The following PRDM10 variants were observed in gnomAD, a reference collection of about 807,000 sequenced individuals.
PRDM10 encodes the protein PR domain zinc finger protein 10.
In PRDM10, 65 loss-of-function variants were observed where a neutral mutation model predicts 133.1. The observed-to-expected ratio is 0.49, with a 90% CI of 0.40 to 0.60. PRDM10 has a LOEUF of 0.60. Among genes scored for constraint, PRDM10 ranks in the 20% least tolerant of loss-of-function variants. The pLI is 0.00. For synonymous variants in PRDM10, 582 were observed against 580.4 expected (o/e 1.00, Z -0.04); for missense variants, 1,137 against 1,507.1 (o/e 0.75, Z 4.07).
intron 7 of PRDM10, among the ~76,000 whole-genome samples, chr11:129,938,285 CTGAG>C (rs1056254717): frequency 1.3e-5 from 2 of 152,212 alleles, no homozygotes; most frequent in African/African-American, 4.8e-5. Flanking sequence ...TCTGTTCCCT[CTGAG>C]TGTGTTTGAC....
chr11:129,982,783 C>G (rs1291121155), intron 1 of PRDM10, among the ~76,000 whole-genome samples: 1 of 151,794 alleles, frequency 6.6e-6, no homozygotes, highest in Non-Finnish European at 1.5e-5. Flanking sequence ...AGACCTCCCC[C>G]CAACCATCTC....
At chr11:129,905,581 T>C (rs1284181416) in intron 20 of PRDM10, 57 bp downstream of exon 20, 1 of 1,254,736 alleles carries the variant, frequency 8.0e-7, no homozygotes, top group Non-Finnish European at 1.2e-6. Flanking sequence ...GTGATAAGAG[T>C]TACTATACAG....
intron 11 of PRDM10, among the ~76,000 whole-genome samples, chr11:129,927,176 C>CAAAAAAAAAA (rs57015735): frequency 1.0e-4 from 8 of 79,372 alleles, no homozygotes; most frequent in South Asian, 4.6e-4. Context: ...GACTCTGTCT[C>CAAAAAAAAAA]AAAAAAAAAA....
At position 129,945,115 on chromosome 11, in the gene PRDM10, C is replaced by T. The variant is rs935542090; in HGVS notation, c.521-103G>A. The T allele has an allele frequency of 1.4e-5, 20 of 1,452,998 alleles. No homozygotes were observed. Among genetic ancestry groups the T allele is most frequent in the Non-Finnish European group, 1.8e-5 (19 of 1,062,958 alleles). 90.0% of individuals were successfully genotyped at this position (1,452,998 alleles called of 1,614,324 possible). On this transcript the variant is annotated intron_variant, in intron 5 of 20. Coordinates refer to ENST00000360871, the MANE Select transcript of PRDM10 (RefSeq NM_199437.2). The surrounding 1 kb of genome is among the most constrained non-coding windows in gnomAD (Gnocchi z 4.2). ...AAAAATCCCCGTCTGCATTTTCAAG[C>T]CAAAATTCAATGAACTCCTAATGGC...
intron 1 of PRDM10, among the ~76,000 whole-genome samples, chr11:129,971,790 G>GGCTGCAGGTGGA (rs1443073807): frequency 6.6e-6 from 1 of 152,250 alleles, no homozygotes; most frequent in African/African-American, 2.4e-5. Context: ...CCCGCACCGG[G>GGCTGCAGGTGGA]GCTGCAGGTG....
In PRDM10 at chr11:129,945,961, G is replaced by C. The variant is rs1951393359; in HGVS notation, c.521-949C>G. On this transcript the variant is annotated intron_variant, in intron 5 of 20. Coordinates refer to ENST00000360871, the MANE Select transcript of PRDM10 (RefSeq NM_199437.2). The surrounding 1 kb of genome is among the most constrained non-coding windows in gnomAD (Gnocchi z 4.2). ...CTCAAAAATGTAAGAATTTTTCCCAGGTGCAGTGGCTCAGCCTGTAATCCC... is the reference window on the plus strand; with the variant it reads ...CTCAAAAATGTAAGAATTTTTCCCACGTGCAGTGGCTCAGCCTGTAATCCC... Among the ~76,000 whole-genome samples the C allele has an allele frequency of 6.6e-6, 1 of 152,148 alleles. No individual in the cohort carries two copies. The highest frequency in any genetic ancestry group is 2.4e-5 in the African/African-American group (1 of 41,416).
At chr11:129,919,036 AG>A (rs1202092563) in intron 13 of PRDM10, among the ~76,000 whole-genome samples, 1 of 152,248 alleles carries the variant, frequency 6.6e-6, no homozygotes, top group Non-Finnish European at 1.5e-5. Context: ...CTGGCATAAA[AG>A]AACTTCAGAC....
At position 129,915,031 on chromosome 11, in the gene PRDM10, G is replaced by C. The variant is rs1209483968; in HGVS notation, c.2527-13C>G. On this transcript the variant is annotated splice_polypyrimidine_tract_variant and intron_variant, in intron 16 of 20. Coordinates refer to ENST00000360871, the MANE Select transcript of PRDM10 (RefSeq NM_199437.2). ...GGACCATCTTGGTCTGAAAAAGCAAGGCAAAAAACAAGAATAATTATTAGA... is the reference window on the plus strand; with the variant it reads ...GGACCATCTTGGTCTGAAAAAGCAACGCAAAAAACAAGAATAATTATTAGA... 1.3e-5 allele frequency: 21 copies of C among 1,556,766 alleles called. No individual in the cohort carries two copies. Among genetic ancestry groups the C allele is most frequent in the Non-Finnish European group, 1.7e-5 (20 of 1,149,046 alleles).
intron 1 of PRDM10, among the ~76,000 whole-genome samples, chr11:129,974,029 C>T (rs1284610230): frequency 3.3e-5 from 5 of 152,232 alleles, no homozygotes; most frequent in South Asian, 2.1e-4. Flanking sequence ...CCACCCAGCC[C>T]GGCTTCCAGC....
At chr11:129,987,825 C>T (rs924916373) in intron 1 of PRDM10, among the ~76,000 whole-genome samples, 2 of 152,170 alleles carry the variant, frequency 1.3e-5, no homozygotes, top group African/African-American at 2.4e-5. Flanking sequence ...ACGGTGAAAC[C>T]TCGTCTCTAC....
At chr11:129,971,949 G>A (rs943038134) in intron 1 of PRDM10, among the ~76,000 whole-genome samples, 1 of 152,218 alleles carries the variant, frequency 6.6e-6, no homozygotes, top group Non-Finnish European at 1.5e-5. Context: ...GCTCAGGCAT[G>A]GCGGGCTGCA....
chr11:129,905,568 G>GT (rs1315652736), intron 20 of PRDM10, 70 bp downstream of exon 20: 3 of 1,108,008 alleles, frequency 2.7e-6, no homozygotes, highest in Non-Finnish European at 4.1e-6. Context: ...TACGAGATAA[G>GT]TGGTGATAAG....
rs1427563383 is a variant in PRDM10, at chr11:129,914,881, A to G, written c.2664T>C (p.Thr888=). ...VLTTDSATGE[T]VVTTDLLTQA... The stretch of plus-strand genomic sequence containing the variant: ...GGGTGAGCAGGTCCGTCGTCACCAC[A>G]GTCTCTCCAGTGGCGCTGTCTGTAG... The change falls in exon 17 of 21, where the codon ACT becomes ACC. Residue 888 remains threonine, a synonymous_variant. Transcript: ENST00000360871. 1 of 1,613,984 alleles carries G rather than the reference A, an allele frequency of 6.2e-7. No individual in the cohort carries two copies. The highest frequency in any genetic ancestry group is 1.3e-5 in the African/African-American group (1 of 74,896).
chr11:129,923,105 C>A lies in PRDM10; in HGVS notation c.2034+143G>T. ...TTCCCCCTTAATTTTATAACTAAGT[C>A]AAACACAAGGCCCAAAGAGTATCTC... On this transcript the variant is annotated intron_variant, in intron 13 of 20. Transcript: ENST00000360871. The surrounding 1 kb of genome is among the most constrained non-coding windows in gnomAD (Gnocchi z 4.4). 1 of 1,011,090 alleles carries A rather than the reference C, an allele frequency of 9.9e-7. No homozygotes were observed. 62.6% of individuals were successfully genotyped at this position (1,011,090 alleles called of 1,614,324 possible). A position where few individuals can be genotyped will look rare whatever the true frequency, so the allele number is the denominator to read the frequency against.
At chr11:129,932,542 C>T (rs1273894699) in intron 9 of PRDM10, among the ~76,000 whole-genome samples, 3 of 152,194 alleles carry the variant, frequency 2.0e-5, no homozygotes, top group Non-Finnish European at 4.4e-5. Flanking sequence ...CATGCTAAGC[C>T]TTTGAGCGTG....
At chr11:129,990,723 CG>C (rs1398073361) in intron 1 of PRDM10, among the ~76,000 whole-genome samples, 1 of 152,122 alleles carries the variant, frequency 6.6e-6, no homozygotes, top group South Asian at 2.1e-4. Flanking sequence ...CCTCCCACTT[CG>C]GCCCCCCAAA....
chr11:129,944,758 G>A lies in PRDM10; in HGVS notation c.762+13C>T, dbSNP rs2135873585. ...TAAAGGACAGGAGTGAAGTGTGATA[G>A]AGCATAAATTACCTTGAGGTGAATG... is the stretch of plus-strand genomic sequence containing the variant. On this transcript the variant is annotated intron_variant, in intron 6 of 20. Coordinates refer to ENST00000360871, the MANE Select transcript of PRDM10 (RefSeq NM_199437.2). 6.2e-7 allele frequency: 1 copy of A among 1,613,714 alleles called. No homozygotes were observed. Among genetic ancestry groups the A allele is most frequent in the Non-Finnish European group, 8.5e-7 (1 of 1,179,946 alleles).
chr11:129,948,858 T>C (rs1189959744), intron 4 of PRDM10, among the ~76,000 whole-genome samples: 1 of 152,210 alleles, frequency 6.6e-6, no homozygotes. Flanking sequence ...GCCACGTTGC[T>C]CTACTGCAGA....
At chr11:129,998,085 A>C (rs1939154067) in intron 1 of PRDM10, among the ~76,000 whole-genome samples, 1 of 152,238 alleles carries the variant, frequency 6.6e-6, no homozygotes, top group Non-Finnish European at 1.5e-5. Context: ...AAACAGGTGA[A>C]ATTAATTATA....
Sources: allele counts gnomAD v4.1 joint callset (sites outside exome capture counted in the v4.1 genomes callset), GRCh38; gene constraint gnomAD v4.1.1; non-coding constraint Gnocchi (gnomAD v3.1); transcripts MANE v1.5; gene names NCBI Gene and HGNC (gene_info 2026-07-23, HGNC 2026-07-21).